The following ZSWIM7 variants were observed in gnomAD, a reference collection of about 807,000 sequenced individuals.
The protein encoded by ZSWIM7 is zinc finger SWIM domain-containing protein 7.
ZSWIM7 carries 22 observed loss-of-function variants against 21.1 expected under a neutral mutation model. The ratio of observed to expected loss-of-function variants is 1.04; its 90% CI spans 0.74 to 1.49. ZSWIM7 has a LOEUF of 1.49. ZSWIM7 is among the 40% of genes most tolerant of loss of function. The pLI, the probability that ZSWIM7 is intolerant of heterozygous loss-of-function variation, is 0.00. For missense variants in ZSWIM7, 193 were observed against 168.0 expected (o/e 1.15, Z -0.82); for synonymous variants, 67 against 66.5 (o/e 1.01, Z -0.04).
At chr17:15,987,450 A>C (rs1282513519) in intron 2 of ZSWIM7, 82 bp from the exon 3 acceptor site, 9 of 1,163,302 alleles carry the variant, frequency 7.7e-6, no homozygotes, top group African/African-American at 1.6e-5. Flanking sequence ...CACTAGACTT[A>C]GTATTTTTTA....
intron 2 of ZSWIM7, among the ~76,000 whole-genome samples, chr17:15,993,348 TTTTATTTATTTATTTATTTA>T (rs149424883): frequency 6.3e-5 from 9 of 142,440 alleles, no homozygotes; most frequent in African/African-American, 2.5e-4. Context: ...TTATTTTTTA[TTTTATTTATTTATTTATTTA>T]TTTATTTATT....
chr17:15,983,568 A>G (rs1426821553), intron 3 of ZSWIM7, among the ~76,000 whole-genome samples: 1 of 152,016 alleles, frequency 6.6e-6, no homozygotes, highest in Non-Finnish European at 1.5e-5. Flanking sequence ...GAAAAAACCC[A>G]CAACATCCAG....
At chr17:15,991,713 C>G (rs1052855290) in intron 2 of ZSWIM7, among the ~76,000 whole-genome samples, 1 of 151,832 alleles carries the variant, frequency 6.6e-6, no homozygotes, top group African/African-American at 2.4e-5. Flanking sequence ...AGGTTAAGGC[C>G]GTTCCCTCAA....
chr17:15,977,952 A>T lies in ZSWIM7; in HGVS notation c.*95T>A. 4.0e-6 allele frequency: 4 copies of T among 1,010,308 alleles called. No individual in the cohort carries two copies. Among genetic ancestry groups the T allele is most frequent in the Admixed American group, 1.8e-5 (1 of 56,900 alleles). 62.6% of individuals were successfully genotyped at this position (1,010,308 alleles called of 1,614,324 possible). A position where few individuals can be genotyped will look rare whatever the true frequency, so the allele number is the denominator to read the frequency against. On this transcript the variant is annotated 3_prime_UTR_variant, in exon 5 of 5. Coordinates refer to ENST00000399277, the MANE Select transcript of ZSWIM7 (RefSeq NM_001042697.2). Reference sequence around the variant, plus strand: ...GGACAGTAACATGAAGTGTCTGAAGATCCATTTCACCTCTTTTCCATGTGA... The same window carrying T: ...GGACAGTAACATGAAGTGTCTGAAGTTCCATTTCACCTCTTTTCCATGTGA...
chr17:15,981,469 G>A (rs760027576), intron 3 of ZSWIM7, among the ~76,000 whole-genome samples: 4 of 144,536 alleles, frequency 2.8e-5, no homozygotes, highest in Admixed American at 6.8e-5. Context: ...AGAAGGAAGT[G>A]GGGGGGGGGA....
rs1181781753 is a variant in ZSWIM7 at position 15,979,788 on chromosome 17, C to T, written c.306+1252G>A. On this transcript the variant is annotated intron_variant, in intron 4 of 4. Coordinates refer to ENST00000399277, the MANE Select transcript of ZSWIM7 (RefSeq NM_001042697.2). The stretch of plus-strand genomic sequence containing the variant: ...CTCCCGGATGGGGCGGCTGGCCGGG[C>T]GGGGGGCTGACCCCCCCACCTCCCT... Among the ~76,000 whole-genome samples, 11 of 116,664 alleles carry T rather than the reference C, an allele frequency of 9.4e-5. 1 individual carries two copies. The South Asian group carries it at 2.6e-3, about 27-fold the overall frequency. 76.5% of individuals were successfully genotyped at this position (116,664 alleles called of 152,430 possible).
At chr17:15,991,499 CTTCTT>C (rs1345315707) in intron 2 of ZSWIM7, among the ~76,000 whole-genome samples, 1 of 152,134 alleles carries the variant, frequency 6.6e-6, no homozygotes, top group Non-Finnish European at 1.5e-5. Context: ...TTTGTGTCAA[CTTCTT>C]TTCTGTGGTC....
At chr17:15,993,898 G>C in intron 1 of ZSWIM7, 120 bp from the exon 2 acceptor site, 1 of 692,270 alleles carries the variant, frequency 1.4e-6, no homozygotes, top group Non-Finnish European at 2.5e-6. Flanking sequence ...CTGAACCTAT[G>C]CATCTGGTTT....
chr17:15,997,668 AAGAC>A lies in ZSWIM7; in HGVS notation c.76+1847_76+1850del, dbSNP rs773230125. Among the ~76,000 whole-genome samples, 140 of 152,188 alleles carry A rather than the reference AAGAC, an allele frequency of 9.2e-4. 1 individual carries two copies. Among genetic ancestry groups the A allele is most frequent in the Non-Finnish European group, 3.7e-4 (25 of 68,030 alleles). The stretch of plus-strand genomic sequence containing the variant: ...TATTAATAGAAAAAAGATTTTGAAA[AAGAC>A]AGAAAACAGGGCTTCTGAAAATAAA... On this transcript the variant is annotated intron_variant, in intron 1 of 4. Transcript: ENST00000399277.
At chr17:15,979,339 A>G (rs936479834) in intron 4 of ZSWIM7, among the ~76,000 whole-genome samples, 1 of 152,152 alleles carries the variant, frequency 6.6e-6, no homozygotes, top group African/African-American at 2.4e-5. Flanking sequence ...CCAAGGCAGA[A>G]GAATTTTTCT....
intron 1 of ZSWIM7, among the ~76,000 whole-genome samples, chr17:15,998,173 C>T (rs532697072): frequency 6.6e-6 from 1 of 152,082 alleles, no homozygotes; most frequent in African/African-American, 2.4e-5. Flanking sequence ...ACAGTTCTGG[C>T]GATTATTGTT....
At chr17:15,999,084 C>T (rs1442455599) in intron 1 of ZSWIM7, among the ~76,000 whole-genome samples, 2 of 152,154 alleles carry the variant, frequency 1.3e-5, no homozygotes, top group Admixed American at 1.3e-4. Flanking sequence ...GAAGCATTAA[C>T]TTTAATGTTA....
At chr17:15,983,973 TTTAAAC>T (rs1273724163) in intron 3 of ZSWIM7, among the ~76,000 whole-genome samples, 3 of 152,164 alleles carry the variant, frequency 2.0e-5, no homozygotes, top group African/African-American at 7.2e-5. Context: ...TCTCTCTAGA[TTTAAAC>T]TTAAGCAAGC....
At chr17:15,993,584 T>C (rs1487089475) in intron 2 of ZSWIM7, among the ~76,000 whole-genome samples, 173 bp downstream of exon 2, 1 of 151,996 alleles carries the variant, frequency 6.6e-6, no homozygotes, top group East Asian at 1.9e-4. Flanking sequence ...GCCAGGATGG[T>C]CTTGATCTCC....
chr17:15,999,454 C>T (rs1970636519), intron 1 of ZSWIM7, 65 bp downstream of exon 1: 1 of 1,570,200 alleles, frequency 6.4e-7, no homozygotes, highest in Non-Finnish European at 8.6e-7. Context: ...TGCCTCCCGG[C>T]CCGGCGGTGC....
chr17:15,982,878 G>A lies in ZSWIM7; in HGVS notation c.202-1734C>T, dbSNP rs1970371338. On this transcript the variant is annotated intron_variant, in intron 3 of 4. Transcript: ENST00000399277. ...ATGTTGTCCAGGCTGGTCTTTAACTGCTGGGCTTAAGTGATCCTCCCACCT... is the reference window on the plus strand; with the variant it reads ...ATGTTGTCCAGGCTGGTCTTTAACTACTGGGCTTAAGTGATCCTCCCACCT... 2.0e-5 allele frequency among the ~76,000 whole-genome samples: 3 copies of A among 152,052 alleles called. No individual in the cohort carries two copies. The South Asian group carries it at 6.2e-4, about 32-fold the overall frequency.
intron 3 of ZSWIM7, among the ~76,000 whole-genome samples, chr17:15,983,316 G>T (rs958871469): frequency 3.1e-5 from 4 of 128,374 alleles, no homozygotes; most frequent in Admixed American, 1.9e-4. Context: ...CTGTACTCCA[G>T]CCTGGGTGAC....
intron 2 of ZSWIM7, 95 bp downstream of exon 2, chr17:15,993,662 G>A (rs760254075): frequency 1.1e-5 from 11 of 1,018,064 alleles, no homozygotes; most frequent in East Asian, 1.0e-4. Flanking sequence ...CACTGCGCCC[G>A]GTCAAGAGTA....
intron 2 of ZSWIM7, 142 bp downstream of exon 2, chr17:15,993,615 C>G (rs1970511668): frequency 1.7e-6 from 1 of 599,404 alleles, no homozygotes; most frequent in South Asian, 1.8e-5. Flanking sequence ...ATCCACTCAC[C>G]TTGGCCTCCC....
Sources: allele counts gnomAD v4.1 joint callset (sites outside exome capture counted in the v4.1 genomes callset), GRCh38; gene constraint gnomAD v4.1.1; transcripts MANE v1.5; gene names NCBI Gene and HGNC (gene_info 2026-07-23, HGNC 2026-07-21).